The following NRG2 variants were observed in gnomAD, a reference collection of about 807,000 sequenced individuals.
The protein encoded by NRG2 is pro-neuregulin-2, membrane-bound isoform.
A neutral mutation model predicts 73.9 loss-of-function variants in NRG2; 27 were observed. That is an observed-to-expected ratio of 0.37 (90% CI 0.27 to 0.50). NRG2 has a LOEUF of 0.50. Among genes scored for constraint, NRG2 ranks in the 20% least tolerant of loss-of-function variants. The pLI is 0.96. For missense variants in NRG2, 1,126 were observed against 1,210.1 expected (o/e 0.93, Z 1.03); for synonymous variants, 532 against 541.0 (o/e 0.98, Z 0.23).
chr5:139,880,812 G>C, intron 3 of NRG2, 44 bp downstream of exon 3: 1 of 1,541,252 alleles, frequency 6.5e-7, no homozygotes, highest in Non-Finnish European at 8.9e-7. Flanking sequence ...GGCCCGCCCT[G>C]CCAAACCCCT....
At chr5:139,978,411 GT>G (rs931021211) in intron 1 of NRG2, among the ~76,000 whole-genome samples, 5 of 152,218 alleles carry the variant, frequency 3.3e-5, no homozygotes, top group African/African-American at 9.7e-5. Flanking sequence ...TTTCACACCA[GT>G]TAGAATGGCG....
intron 1 of NRG2, among the ~76,000 whole-genome samples, chr5:139,974,606 GT>G (rs201538810): frequency 0.024 from 3,614 of 152,090 alleles, 67 homozygotes; most frequent in African/African-American, 0.027. Flanking sequence ...TTTACCAATA[GT>G]TTTTTTTCTA....
At chr5:139,859,532 G>T (rs764243169) in intron 5 of NRG2, among the ~76,000 whole-genome samples, 5 of 152,188 alleles carry the variant, frequency 3.3e-5, no homozygotes, top group Non-Finnish European at 5.9e-5. Flanking sequence ...AAGGGGCCAT[G>T]TTCACACATG....
intron 1 of NRG2, among the ~76,000 whole-genome samples, chr5:139,982,472 A>G (rs1215465820): frequency 6.6e-6 from 1 of 152,064 alleles, no homozygotes; most frequent in Non-Finnish European, 1.5e-5. Context: ...CTAAACTCCT[A>G]CAGCACTCTT....
At chr5:140,013,659 C>G in intron 1 of NRG2, among the ~76,000 whole-genome samples, 1 of 152,214 alleles carries the variant, frequency 6.6e-6, no homozygotes, top group East Asian at 1.9e-4. Context: ...TCCTTCTCTT[C>G]TCTTCCATTC....
At chr5:139,982,998 G>A (rs968967134) in intron 1 of NRG2, among the ~76,000 whole-genome samples, 1 of 152,230 alleles carries the variant, frequency 6.6e-6, no homozygotes, top group Non-Finnish European at 1.5e-5. Context: ...AGGCCCTGAT[G>A]TCTGGGGGAT....
At chr5:139,937,044 C>T (rs1302159463) in intron 1 of NRG2, among the ~76,000 whole-genome samples, 5 of 152,326 alleles carry the variant, frequency 3.3e-5, no homozygotes, top group Middle Eastern at 3.4e-3. Flanking sequence ...TCAGGTGATC[C>T]GCCTGCCTTG....
intron 1 of NRG2, among the ~76,000 whole-genome samples, chr5:139,925,490 G>A (rs1421648823): frequency 2.6e-5 from 4 of 152,236 alleles, no homozygotes; most frequent in African/African-American, 9.6e-5. Context: ...TGTGTACCCT[G>A]AAAGGCTCAG....
chr5:140,021,142 C>T (rs2126667834), intron 1 of NRG2, among the ~76,000 whole-genome samples: 1 of 152,314 alleles, frequency 6.6e-6, no homozygotes, highest in Middle Eastern at 3.4e-3. Flanking sequence ...GACATCATCT[C>T]CTCTGATCCT....
At chr5:140,015,150 C>T (rs1759669350) in intron 1 of NRG2, among the ~76,000 whole-genome samples, 1 of 139,960 alleles carries the variant, frequency 7.1e-6, no homozygotes, top group Non-Finnish European at 1.5e-5. Context: ...CCATTACCTC[C>T]CTCCATTTTT....
At chr5:139,877,557 T>A (rs1763261127) in intron 3 of NRG2, among the ~76,000 whole-genome samples, 1 of 152,234 alleles carries the variant, frequency 6.6e-6, no homozygotes, top group South Asian at 2.1e-4. Flanking sequence ...TGGGCATCTC[T>A]GCCTGGGAAA....
At chr5:139,917,998 T>C (rs538524076) in intron 1 of NRG2, among the ~76,000 whole-genome samples, 1 of 152,368 alleles carries the variant, frequency 6.6e-6, no homozygotes, top group Admixed American at 6.5e-5. Context: ...ATGCCTATTT[T>C]TTCTTCTAAG....
chr5:139,944,284 G>C (rs1753635074), intron 1 of NRG2, among the ~76,000 whole-genome samples: 1 of 151,934 alleles, frequency 6.6e-6, no homozygotes, highest in Non-Finnish European at 1.5e-5. Context: ...CCTCCTTCTA[G>C]GTTTTTGAAA....
At chr5:140,015,588 C>T (rs1046031868) in intron 1 of NRG2, among the ~76,000 whole-genome samples, 1 of 152,192 alleles carries the variant, frequency 6.6e-6, no homozygotes, top group African/African-American at 2.4e-5. Context: ...GCGGTACCAG[C>T]ATTCTAGGGT....
Position 139,942,525 on chromosome 5 carries a change from A to C in NRG2, c.701-55014T>G, listed in dbSNP as rs574026391. 7.1e-4 allele frequency among the ~76,000 whole-genome samples: 108 copies of C among 152,292 alleles called. 2 individuals carry two copies. The highest frequency in any genetic ancestry group is 6.9e-3 in the Admixed American group (105 of 15,300). On this transcript the variant is annotated intron_variant, in intron 1 of 9. Transcript: ENST00000361474. The stretch of plus-strand genomic sequence containing the variant: ...TATTCTACACTATTCTTAGAGGCAA[A>C]TTCTTCAGTGACTTCAAACTTGGCA...
chr5:139,938,933 GAAA>G (rs1753119020), intron 1 of NRG2, among the ~76,000 whole-genome samples: 1 of 118,636 alleles, frequency 8.4e-6, no homozygotes. Flanking sequence ...AAGAAAGAAA[GAAA>G]GAAAGAAAGA....
chr5:139,855,972 T>G (rs1449975183), intron 5 of NRG2, among the ~76,000 whole-genome samples, 194 bp from the exon 6 acceptor site: 1 of 151,994 alleles, frequency 6.6e-6, no homozygotes, highest in Non-Finnish European at 1.5e-5. Context: ...TCCCTGCAGC[T>G]CCCACCCACC....
chr5:140,024,545 G>A (rs1297995145), intron 1 of NRG2, among the ~76,000 whole-genome samples: 1 of 152,158 alleles, frequency 6.6e-6, no homozygotes, highest in African/African-American at 2.4e-5. Context: ...GTGAGCCACC[G>A]CCCCCGGCCA....
At chr5:139,989,780 AT>A (rs1757439932) in intron 1 of NRG2, among the ~76,000 whole-genome samples, 1 of 136,920 alleles carries the variant, frequency 7.3e-6, no homozygotes, top group African/African-American at 2.9e-5. Context: ...ATTATTATTT[AT>A]TTTATTTTAT....
Sources: allele counts gnomAD v4.1 joint callset (sites outside exome capture counted in the v4.1 genomes callset), GRCh38; gene constraint gnomAD v4.1.1; transcripts MANE v1.5; gene names NCBI Gene and HGNC (gene_info 2026-07-23, HGNC 2026-07-21).